CLDN18: variants seen among roughly 807,000 people sequenced by gnomAD.
CLDN18 encodes claudin 18.
In CLDN18, 20 loss-of-function variants were observed where a neutral mutation model predicts 25.0. The observed-to-expected ratio is 0.80, with a 90% CI of 0.56 to 1.16. The LOEUF is 1.16. CLDN18 is among the 50% of genes most tolerant of loss of function. The pLI, the probability that CLDN18 is intolerant of heterozygous loss-of-function variation, is 0.00. For synonymous variants in CLDN18, 125 were observed against 135.6 expected (o/e 0.92, Z 0.54); for missense variants, 297 against 345.4 (o/e 0.86, Z 1.11).
At chr3:138,026,717 C>T (rs565371210) in intron 3 of CLDN18, among the ~76,000 whole-genome samples, 14 of 152,084 alleles carry the variant, frequency 9.2e-5, no homozygotes, top group Admixed American at 2.0e-4. Flanking sequence ...AGAAGAGGAT[C>T]CCAGTGCCAG....
At chr3:138,030,582 T>A (rs576110862) in intron 4 of CLDN18, among the ~76,000 whole-genome samples, 1 of 152,356 alleles carries the variant, frequency 6.6e-6, no homozygotes, top group East Asian at 1.9e-4. Flanking sequence ...TCCTTTGACG[T>A]AACAATGTTC....
intron 1 of CLDN18, among the ~76,000 whole-genome samples, chr3:137,999,701 AG>A (rs1010143860): frequency 2.0e-5 from 3 of 152,196 alleles, no homozygotes; most frequent in Non-Finnish European, 2.9e-5. Context: ...CTCTCTGCAC[AG>A]GGGATTCTGC....
rs997078753 is a variant in CLDN18, at chr3:138,031,597, C to T, written c.*456C>T. On this transcript the variant is annotated 3_prime_UTR_variant, in exon 5 of 5. Coordinates refer to ENST00000183605, the MANE Select transcript of CLDN18 (RefSeq NM_016369.4). ...CTGTTTGAATTTTGTCTCCCCACCC[C>T]CAACTTGGCTAGTAATAAACACTTA... The T allele has an allele frequency of 6.6e-6, 1 of 152,456 alleles. No individual in the cohort carries two copies. Among genetic ancestry groups the T allele is most frequent in the African/African-American group, 2.4e-5 (1 of 41,452 alleles). 9.4% of individuals were successfully genotyped at this position (152,456 alleles called of 1,614,324 possible).
chr3:138,003,557 A>G (rs1942039772), intron 1 of CLDN18, among the ~76,000 whole-genome samples: 1 of 152,328 alleles, frequency 6.6e-6, no homozygotes, highest in South Asian at 2.1e-4. Context: ...ACAATGAGAT[A>G]CGTTAAACGC....
intron 1 of CLDN18, among the ~76,000 whole-genome samples, chr3:138,016,723 T>C (rs1290891647): frequency 1.3e-5 from 2 of 152,136 alleles, no homozygotes; most frequent in Non-Finnish European, 2.9e-5. Context: ...GACCTCACTT[T>C]CCCCATTTGT....
At chr3:138,025,532 A>G (rs1336541908) in intron 3 of CLDN18, among the ~76,000 whole-genome samples, 1 of 152,130 alleles carries the variant, frequency 6.6e-6, no homozygotes, top group African/African-American at 2.4e-5. Context: ...CCACACCAAC[A>G]TGGGGTACAG....
rs1055563324 is a variant in CLDN18, at chr3:138,024,512, G to A, written c.386-95G>A. 5.4e-6 allele frequency: 4 copies of A among 735,946 alleles called. No homozygotes were observed. In the African/African-American group the frequency reaches 7.0e-5, roughly 13 times the overall value. 45.6% of individuals were successfully genotyped at this position (735,946 alleles called of 1,614,324 possible). ...GGTTATAGGGATACAATATTCTGCA[G>A]CCTACTCATCTAAACTCATCTAGGC... On this transcript the variant is annotated intron_variant, in intron 2 of 4. Coordinates refer to ENST00000183605, the MANE Select transcript of CLDN18 (RefSeq NM_016369.4).
Position 138,023,677 on chromosome 3 carries a change from A to G in CLDN18, c.240A>G (p.Arg80=). ...CCACAGCCATGCTGCAGGCAGTGCG[A>G]GCCCTGATGATCGTAGGCATCGTCC... ...LGLPAMLQAV[R]ALMIVGIVLG... is the part of the protein sequence containing the mutation. Residue 80 remains arginine (R), a synonymous_variant, in exon 2 of 5, where the codon CGA becomes CGG. Transcript: ENST00000183605. 1.2e-6 allele frequency: 2 copies of G among 1,613,996 alleles called. No homozygotes were observed. Among genetic ancestry groups the G allele is most frequent in the Non-Finnish European group, 1.7e-6 (2 of 1,179,990 alleles).
At chr3:138,009,487 C>T (rs559257086), upstream of CLDN18, among the ~76,000 whole-genome samples, 1 of 152,242 alleles carries the variant, frequency 6.6e-6, no homozygotes, top group East Asian at 1.9e-4. Flanking sequence ...GATTTGGCTT[C>T]GTGTTCTCAA....
chr3:138,028,569 C>T (rs1942353554), intron 3 of CLDN18, among the ~76,000 whole-genome samples: 1 of 152,224 alleles, frequency 6.6e-6, no homozygotes, highest in South Asian at 2.1e-4. Context: ...AGAGAAGGCA[C>T]TCCTTTTCCA....
At position 138,010,212 on chromosome 3, in the gene CLDN18, G is replaced by A. The variant is rs777363929; in HGVS notation, c.-14G>A. The A allele has an allele frequency of 1.7e-5, 27 of 1,608,872 alleles. No homozygotes were observed. The highest frequency in any genetic ancestry group is 2.0e-5 in the Non-Finnish European group (24 of 1,177,514). ...GGCAGCTTCTCGCAGGCGGCAGGGC[G>A]GGCGGCCAGGATCATGTCCACCACC... is the stretch of plus-strand genomic sequence containing the variant. On this transcript the variant is annotated 5_prime_UTR_variant, in exon 1 of 5. Transcript: ENST00000183605.
chr3:138,003,291 TAGTA>T (rs1942037565), intron 1 of CLDN18, among the ~76,000 whole-genome samples: 2 of 152,134 alleles, frequency 1.3e-5, no homozygotes, highest in Non-Finnish European at 1.5e-5. Flanking sequence ...CAATAAATTT[TAGTA>T]AGTGTCATGT....
rs1942421329 is a variant in CLDN18, at chr3:138,033,560, T to C, written c.*2419T>C. Reference sequence around the variant, plus strand: ...TATAGTTAGATTGTGCTTTGTAATTTTGTTGTTGTTGCTCTATCTTATTGT... The same window carrying C: ...TATAGTTAGATTGTGCTTTGTAATTCTGTTGTTGTTGCTCTATCTTATTGT... On this transcript the variant is annotated 3_prime_UTR_variant, in exon 5 of 5. Transcript: ENST00000183605. 6.6e-6 allele frequency: 1 copy of C among 152,232 alleles called. No individual in the cohort carries two copies. The highest frequency in any genetic ancestry group is 2.1e-4 in the South Asian group (1 of 4,836). 9.4% of individuals were successfully genotyped at this position (152,232 alleles called of 1,614,324 possible). A position where few individuals can be genotyped will look rare whatever the true frequency, so the allele number is the denominator to read the frequency against.
At chr3:138,028,383 G>C (rs1389199243) in intron 3 of CLDN18, among the ~76,000 whole-genome samples, 1 of 152,210 alleles carries the variant, frequency 6.6e-6, no homozygotes, top group Non-Finnish European at 1.5e-5. Context: ...TGCTTTTAAA[G>C]CACATCTAAA....
At chr3:138,021,048 G>T (rs762168685) in intron 1 of CLDN18, among the ~76,000 whole-genome samples, 14 of 152,116 alleles carry the variant, frequency 9.2e-5, no homozygotes, top group Non-Finnish European at 4.4e-5. Flanking sequence ...CATAAAATGG[G>T]TGATAATTTT....
At chr3:138,009,247 G>T (rs1942101921), upstream of CLDN18, among the ~76,000 whole-genome samples, 1 of 152,212 alleles carries the variant, frequency 6.6e-6, no homozygotes, top group Non-Finnish European at 1.5e-5. Context: ...CACACGACAA[G>T]TTAGGGGCAG....
At chr3:138,007,135 C>G (rs1388670026), upstream of CLDN18, among the ~76,000 whole-genome samples, 4 of 152,096 alleles carry the variant, frequency 2.6e-5, no homozygotes, top group African/African-American at 9.7e-5. Context: ...ATCTGAAAAT[C>G]AAACCAATAG....
chr3:138,002,590 TTTTAA>T (rs1216897257), intron 1 of CLDN18, among the ~76,000 whole-genome samples: 2 of 152,218 alleles, frequency 1.3e-5, no homozygotes, highest in African/African-American at 2.4e-5. Context: ...AACATTCTTG[TTTTAA>T]TTTGTTTCTC....
chr3:138,007,053 T>C (rs1453294213), upstream of CLDN18, among the ~76,000 whole-genome samples: 2 of 152,336 alleles, frequency 1.3e-5, no homozygotes, highest in East Asian at 1.9e-4. Context: ...CTTCAATCTA[T>C]GTTTTTGGTG....
Sources: allele counts gnomAD v4.1 joint callset (sites outside exome capture counted in the v4.1 genomes callset), GRCh38; gene constraint gnomAD v4.1.1; transcripts MANE v1.5; gene names NCBI Gene and HGNC (gene_info 2026-07-23, HGNC 2026-07-21).